The following RSPRY1 variants were observed in gnomAD, a reference collection of about 807,000 sequenced individuals.
The protein encoded by RSPRY1 is ring finger and SPRY domain containing 1, also known as RING finger and SPRY domain-containing protein 1.
Under a neutral mutation model 73.1 loss-of-function variants are expected in RSPRY1, and 23 were observed. The ratio of observed to expected loss-of-function variants is 0.31; its 90% CI spans 0.23 to 0.45. The LOEUF (loss-of-function observed/expected upper bound fraction) is 0.45, where lower values mean the gene tolerates loss of function less well. Among genes scored for constraint, RSPRY1 ranks in the 20% least tolerant of loss-of-function variants. RSPRY1 has a pLI of 1.00. For synonymous variants in RSPRY1, 226 were observed against 251.4 expected, an observed-to-expected ratio of 0.90 and a Z score of 0.95; for missense variants, 448 against 698.7, an observed-to-expected ratio of 0.64 and a Z score of 4.05.
chr16:57,189,843 G>T (rs1175182109), intron 1 of RSPRY1, among the ~76,000 whole-genome samples: 2 of 151,702 alleles, frequency 1.3e-5, no homozygotes, highest in Non-Finnish European at 2.9e-5. Flanking sequence ...CACCCACCTT[G>T]GCCTCCCAAG....
intron 14 of RSPRY1, among the ~76,000 whole-genome samples, chr16:57,236,567 G>A (rs1196632261): frequency 6.6e-6 from 1 of 152,132 alleles, no homozygotes; most frequent in African/African-American, 2.4e-5. Flanking sequence ...AAGTTAAAAT[G>A]GTTATCAAAG....
chr16:57,223,214 G>C (rs1193056484), intron 10 of RSPRY1, among the ~76,000 whole-genome samples: 5 of 152,032 alleles, frequency 3.3e-5, no homozygotes, highest in African/African-American at 1.2e-4. Context: ...ATTCAGACAG[G>C]GTGTGATTCT....
intron 8 of RSPRY1, among the ~76,000 whole-genome samples, chr16:57,218,444 A>C (rs952659051): frequency 6.6e-6 from 1 of 152,042 alleles, no homozygotes; most frequent in Non-Finnish European, 1.5e-5. Flanking sequence ...TCTTCATTCT[A>C]TCTAGCTATA....
chr16:57,233,627 C>T (rs958291288), intron 13 of RSPRY1, among the ~76,000 whole-genome samples: 3 of 152,182 alleles, frequency 2.0e-5, no homozygotes, highest in African/African-American at 7.2e-5. Flanking sequence ...GCCTCGGCCT[C>T]CCAAAGTGCT....
At chr16:57,188,560 A>G (rs1307812201) in intron 1 of RSPRY1, among the ~76,000 whole-genome samples, 1 of 152,180 alleles carries the variant, frequency 6.6e-6, no homozygotes, top group East Asian at 1.9e-4. Flanking sequence ...CTTGTTGCCC[A>G]GGCTGGAGTG....
At chr16:57,187,590 G>C (rs1028903589) in intron 1 of RSPRY1, among the ~76,000 whole-genome samples, 1 of 152,214 alleles carries the variant, frequency 6.6e-6, no homozygotes, top group Non-Finnish European at 1.5e-5. Flanking sequence ...CTGCGTGAAC[G>C]TAAGTTAGTG....
At chr16:57,211,547 C>T (rs570727272) in intron 4 of RSPRY1, among the ~76,000 whole-genome samples, 1 of 152,106 alleles carries the variant, frequency 6.6e-6, no homozygotes, top group South Asian at 2.1e-4. Flanking sequence ...TCAGCCTGGG[C>T]GACAGAGTGA....
At chr16:57,218,987 C>T (rs1251565445) in intron 8 of RSPRY1, among the ~76,000 whole-genome samples, 3 of 122,942 alleles carry the variant, frequency 2.4e-5, no homozygotes, top group African/African-American at 6.6e-5. Context: ...CCGCCCGCCT[C>T]GGCCTCCCAA....
rs746637198 is a variant in RSPRY1 at position 57,239,004 on chromosome 16, T to C, written c.*29T>C. The C allele has an allele frequency of 1.2e-5, 15 of 1,201,382 alleles. No homozygotes were observed. The South Asian group carries it at 1.7e-4, about 14-fold the overall frequency. 74.4% of individuals were successfully genotyped at this position (1,201,382 alleles called of 1,614,324 possible). A position where few individuals can be genotyped will look rare whatever the true frequency, so the allele number is the denominator to read the frequency against. On this transcript the variant is annotated 3_prime_UTR_variant, in exon 15 of 15. Transcript: ENST00000394420. The stretch of plus-strand genomic sequence containing the variant: ...ATGTGAAGAGGCATCGTGGACTTTT[T>C]TCTACTCAATTCCAGCCAATGTTGA...
At chr16:57,205,067 T>C in intron 2 of RSPRY1, 59 bp downstream of exon 2, 1 of 1,331,120 alleles carries the variant, frequency 7.5e-7, no homozygotes, top group Non-Finnish European at 1.0e-6. Flanking sequence ...CCCGGAACCA[T>C]GACTTTAGGA....
At chr16:57,190,547 C>A (rs2074335578) in intron 1 of RSPRY1, among the ~76,000 whole-genome samples, 1 of 152,156 alleles carries the variant, frequency 6.6e-6, no homozygotes, top group Non-Finnish European at 1.5e-5. Context: ...TCTCTTCAAG[C>A]TTTTGGCATT....
chr16:57,202,674 T>G (rs1157798958), intron 1 of RSPRY1, among the ~76,000 whole-genome samples: 1 of 152,072 alleles, frequency 6.6e-6, no homozygotes, highest in Non-Finnish European at 1.5e-5. Context: ...CTCCAAATTT[T>G]GAAGACAGCC....
chr16:57,220,601 A>G (rs980256876), intron 8 of RSPRY1, 131 bp from the exon 9 acceptor site: 19 of 522,402 alleles, frequency 3.6e-5, no homozygotes, highest in African/African-American at 3.4e-4. Context: ...AACATGGATA[A>G]TTTGACTTCT....
At chr16:57,216,841 A>C in intron 7 of RSPRY1, 63 bp from the exon 8 acceptor site, 5 of 1,507,840 alleles carry the variant, frequency 3.3e-6, no homozygotes, top group Non-Finnish European at 3.7e-6. Context: ...AGCAATACTA[A>C]TTTGCTGAGC....
chr16:57,200,661 G>C (rs57564723), intron 1 of RSPRY1, among the ~76,000 whole-genome samples: 1 of 2,710 alleles, frequency 3.7e-4, no homozygotes, highest in Non-Finnish European at 9.7e-4. Context: ...CGGGCGGGGG[G>C]CTGACCCCCC....
At chr16:57,205,134 G>C (rs1161640385) in intron 2 of RSPRY1, 126 bp downstream of exon 2, 3 of 668,336 alleles carry the variant, frequency 4.5e-6, no homozygotes, top group African/African-American at 3.6e-5. Context: ...GGGCAAAGGA[G>C]AATATTTTAA....
intron 1 of RSPRY1, among the ~76,000 whole-genome samples, chr16:57,199,891 G>GTTTTTTTT (rs2074529627): frequency 5.7e-5 from 2 of 35,016 alleles, no homozygotes; most frequent in South Asian, 7.9e-4. Context: ...TGTTTTTTTT[G>GTTTTTTTT]TTTGTTTTTT....
chr16:57,239,033 GAAAA>G lies in RSPRY1; in HGVS notation c.*60_*63del. On this transcript the variant is annotated 3_prime_UTR_variant, in exon 15 of 15. Transcript: ENST00000394420. ...ACTCAATTCCAGCCAATGTTGAAAA[GAAAA>G]AGAAAAAAAAAACTCTCTAATCAGT... is the stretch of plus-strand genomic sequence containing the variant. The G allele has an allele frequency of 1.2e-6, 1 of 865,196 alleles. No homozygotes were observed. The highest frequency in any genetic ancestry group is 1.8e-6 in the Non-Finnish European group (1 of 568,944). The allele number at this position is 865,196 out of a possible 1,614,324, so 53.6% of individuals were successfully genotyped here.
chr16:57,232,538 C>G (rs1370554266), intron 13 of RSPRY1, among the ~76,000 whole-genome samples: 1 of 152,170 alleles, frequency 6.6e-6, no homozygotes, highest in African/African-American at 2.4e-5. Context: ...ATCTATCATA[C>G]CCCGTTCTTT....
Sources: allele counts gnomAD v4.1 joint callset (sites outside exome capture counted in the v4.1 genomes callset), GRCh38; gene constraint gnomAD v4.1.1; transcripts MANE v1.5; gene names NCBI Gene and HGNC (gene_info 2026-07-23, HGNC 2026-07-21).